Variants in IER5 observed in about 807,000 individuals in gnomAD.
IER5 encodes immediate early response gene 5 protein.
Under a neutral mutation model 8.2 loss-of-function variants are expected in IER5, and 3 were observed. The observed-to-expected ratio is 0.36, with a 90% confidence interval of 0.17 to 0.94. IER5 has a LOEUF of 0.94. Ranked by LOEUF, IER5 falls within the 40% of genes least tolerant of loss-of-function variation. IER5 has a pLI of 0.43. For missense variants in IER5, 531 were observed against 494.3 expected (o/e 1.07, Z -0.70); for synonymous variants, 286 against 230.1 (o/e 1.24, Z -2.20).
At position 181,088,812 on chromosome 1, in the gene IER5, G is replaced by A. The variant is rs1478013070; in HGVS notation, c.-91G>A. The A allele has an allele frequency of 2.0e-6, 2 of 995,360 alleles. No individual in the cohort carries two copies. Among genetic ancestry groups the A allele is most frequent in the Non-Finnish European group, 3.0e-6 (2 of 677,218 alleles). 61.7% of individuals were successfully genotyped at this position (995,360 alleles called of 1,614,324 possible). A position where few individuals can be genotyped will look rare whatever the true frequency, so the allele number is the denominator to read the frequency against. On this transcript the variant is annotated 5_prime_UTR_variant, in exon 1 of 1. Coordinates refer to ENST00000367577, the MANE Select transcript of IER5 (RefSeq NM_016545.5). The stretch of plus-strand genomic sequence containing the variant: ...CGGAGTCTTAGGTGATCGAGGGTGT[G>A]CCCAGGGGGCGGACTTGTTTGCGCC...
chr1:181,088,961 A>G lies in IER5; in HGVS notation c.59A>G (p.Asn20Ser). ...IVSISLGKIY[N>S]SRVQRGGIKL... is the part of the protein sequence containing the mutation. ...AGCATCTCTCTGGGCAAGATCTACA[A>G]CTCGCGGGTCCAGCGCGGCGGCATC... Residue 20 changes from asparagine to serine, a missense_variant, in exon 1 of 1, where the codon AAC (asparagine) becomes AGC (serine). Asn to Ser is a conservative substitution (Grantham distance 46, BLOSUM62 1). Transcript: ENST00000367577. 6.2e-7 allele frequency: 1 copy of G among 1,612,386 alleles called. No individual in the cohort carries two copies. The highest frequency in any genetic ancestry group is 8.5e-7 in the Non-Finnish European group (1 of 1,179,512).
rs1293104158 is a variant in IER5 at position 181,089,474 on chromosome 1, C to T, written c.572C>T (p.Ala191Val). Residue 191 changes from alanine (A) to valine (V), a missense_variant, in exon 1 of 1, where the codon GCG becomes GTG. Ala to Val is a moderately conservative substitution (Grantham distance 64). Transcript: ENST00000367577. The part of the protein sequence containing the change: ...GGEDPPGTPA[A>V]TPRAACCCAP... ...GAGGACCCGCCGGGTACACCGGCCG[C>T]GACCCCCCGCGCTGCCTGCTGCTGC... 1 of 1,345,532 alleles carries T rather than the reference C, an allele frequency of 7.4e-7. No individual in the cohort carries two copies. The highest frequency in any genetic ancestry group is 3.4e-5 in the Admixed American group (1 of 29,448). 83.3% of individuals were successfully genotyped at this position (1,345,532 alleles called of 1,614,324 possible). A position where few individuals can be genotyped will look rare whatever the true frequency, so the allele number is the denominator to read the frequency against.
chr1:181,092,796 G>A lies in IER5; in HGVS notation c.*2910G>A, dbSNP rs1048684307. The A allele has an allele frequency of 5.9e-5, 9 of 152,200 alleles. No individual in the cohort carries two copies. The highest frequency in any genetic ancestry group is 8.8e-5 in the Non-Finnish European group (6 of 68,038). The allele number at this position is 152,200 out of a possible 1,614,324, so 9.4% of individuals were successfully genotyped here. On this transcript the variant is annotated 3_prime_UTR_variant, in exon 1 of 1. Coordinates refer to ENST00000367577, the MANE Select transcript of IER5 (RefSeq NM_016545.5). ...AATAAGCACGCAACTGTTAATTATT[G>A]TTAATGTAGAAGTTAATTCTGTGTA...
chr1:181,092,128 G>A lies in IER5; in HGVS notation c.*2242G>A, dbSNP rs555639546. On this transcript the variant is annotated 3_prime_UTR_variant, in exon 1 of 1. Transcript: ENST00000367577. ...TGCTTAAACTGAAGAAGGTGTCCAG[G>A]GCCTTAATTCTGCAAACATTTCCTG... The A allele has an allele frequency of 1.3e-4, 20 of 151,990 alleles. No homozygotes were observed. The highest frequency in any genetic ancestry group is 2.9e-5 in the Non-Finnish European group (2 of 68,000). The allele number at this position is 151,990 out of a possible 1,614,324, so 9.4% of individuals were successfully genotyped here.
rs1659436625 is a variant in IER5 at position 181,090,180 on chromosome 1, C to T, written c.*294C>T. On this transcript the variant is annotated 3_prime_UTR_variant, in exon 1 of 1. Transcript: ENST00000367577. ...TTTTGCTCTTCTGGAATGCACCACT[C>T]CTTCCCCAGGGTTTAAGAGATTGGG... 5 of 447,344 alleles carry T rather than the reference C, an allele frequency of 1.1e-5. No individual in the cohort carries two copies. In the East Asian group the frequency reaches 2.4e-4, roughly 21 times the overall value. 27.7% of individuals were successfully genotyped at this position (447,344 alleles called of 1,614,324 possible).
At position 181,089,912 on chromosome 1, in the gene IER5, G is replaced by T; in HGVS notation, c.*26G>T. On this transcript the variant is annotated 3_prime_UTR_variant, in exon 1 of 1. Transcript: ENST00000367577. ...GCCCTTGGCCCCCCTGCGGGGAGGA[G>T]GTGGAGCAGCGGGCGTCCCCGAAGT... is the stretch of plus-strand genomic sequence containing the variant. 1.2e-6 allele frequency: 2 copies of T among 1,605,948 alleles called. No homozygotes were observed. Among genetic ancestry groups the T allele is most frequent in the South Asian group, 2.2e-5 (2 of 90,198 alleles).
rs1659442160 is a variant in IER5 at position 181,090,250 on chromosome 1, G to A, written c.*364G>A. 1 of 280,970 alleles carries A rather than the reference G, an allele frequency of 3.6e-6. No individual in the cohort carries two copies. The highest frequency in any genetic ancestry group is 5.8e-5 in the Admixed American group (1 of 17,146). 17.4% of individuals were successfully genotyped at this position (280,970 alleles called of 1,614,324 possible). On this transcript the variant is annotated 3_prime_UTR_variant, in exon 1 of 1. Coordinates refer to ENST00000367577, the MANE Select transcript of IER5 (RefSeq NM_016545.5). Reference sequence around the variant, plus strand: ...CTGCCGGCTGCGTGGAGAAGGAAGCGGCTAAAAGGTTTGGGCCGGGGAGTT... The same window carrying A: ...CTGCCGGCTGCGTGGAGAAGGAAGCAGCTAAAAGGTTTGGGCCGGGGAGTT...
At position 181,089,139 on chromosome 1, in the gene IER5, A is replaced by G; in HGVS notation, c.237A>G (p.Pro79=). Residue 79 remains proline, a synonymous_variant, in exon 1 of 1, where the codon CCA becomes CCG. Coordinates refer to ENST00000367577, the MANE Select transcript of IER5 (RefSeq NM_016545.5). ...QQQPGEPAAG[P]PAGWGEPPPP... ...AGCCCGGGGAGCCGGCGGCCGGGCC[A>G]CCCGCCGGCTGGGGAGAGCCGCCCC... 7.2e-7 allele frequency: 1 copy of G among 1,395,294 alleles called. No individual in the cohort carries two copies. The highest frequency in any genetic ancestry group is 3.7e-5 in the Admixed American group (1 of 26,928). 86.4% of individuals were successfully genotyped at this position (1,395,294 alleles called of 1,614,324 possible).
chr1:181,088,876 G>A lies in IER5; in HGVS notation c.-27G>A. 2 of 1,584,062 alleles carry A rather than the reference G, an allele frequency of 1.3e-6. No individual in the cohort carries two copies. The highest frequency in any genetic ancestry group is 1.7e-6 in the Non-Finnish European group (2 of 1,161,662). ...CAATTTCCAAACGTGTCACCCCGGCGCCGACGGCCCTGTGCAGGGGAAGCA... is the reference window on the plus strand; with the variant it reads ...CAATTTCCAAACGTGTCACCCCGGCACCGACGGCCCTGTGCAGGGGAAGCA... On this transcript the variant is annotated 5_prime_UTR_variant, in exon 1 of 1. Coordinates refer to ENST00000367577, the MANE Select transcript of IER5 (RefSeq NM_016545.5).
rs1448688735 is a variant in IER5, at chr1:181,092,822, T to A, written c.*2936T>A. ...TTAATGTAGAAGTTAATTCTGTGTA[T>A]AAATCAGATACACTGTGGTCAAAGA... On this transcript the variant is annotated 3_prime_UTR_variant, in exon 1 of 1. Transcript: ENST00000367577. 5 of 152,252 alleles carry A rather than the reference T, an allele frequency of 3.3e-5. No individual in the cohort carries two copies. The highest frequency in any genetic ancestry group is 1.2e-4 in the African/African-American group (5 of 41,462). The allele number at this position is 152,252 out of a possible 1,614,324, so 9.4% of individuals were successfully genotyped here. A position where few individuals can be genotyped will look rare whatever the true frequency, so the allele number is the denominator to read the frequency against.
chr1:181,091,179 A>T lies in IER5; in HGVS notation c.*1293A>T, dbSNP rs1659467866. 1 of 152,220 alleles carries T rather than the reference A, an allele frequency of 6.6e-6. No homozygotes were observed. Among genetic ancestry groups the T allele is most frequent in the South Asian group, 2.1e-4 (1 of 4,834 alleles). 9.4% of individuals were successfully genotyped at this position (152,220 alleles called of 1,614,324 possible). On this transcript the variant is annotated 3_prime_UTR_variant, in exon 1 of 1. Transcript: ENST00000367577. ...TTAACCAACTTTTGAAGCCCCGCTT[A>T]TCCACAAAAATGTTTTTCAGCAAAA...
In IER5 at chr1:181,088,887, T is replaced by C. The variant is rs1391370532; in HGVS notation, c.-16T>C. The C allele has an allele frequency of 6.3e-7, 1 of 1,583,610 alleles. No individual in the cohort carries two copies. Among genetic ancestry groups the C allele is most frequent in the Non-Finnish European group, 8.6e-7 (1 of 1,160,792 alleles). ...CGTGTCACCCCGGCGCCGACGGCCC[T>C]GTGCAGGGGAAGCAGATGGAGTTCA... On this transcript the variant is annotated 5_prime_UTR_variant, in exon 1 of 1. Transcript: ENST00000367577.
chr1:181,088,781 T>A lies in IER5; in HGVS notation c.-122T>A. ...CAGCGCGCGCGTCACCAGAGTCGTTTCTCTTCGGAGTCTTAGGTGATCGAG... is the reference window on the plus strand; with the variant it reads ...CAGCGCGCGCGTCACCAGAGTCGTTACTCTTCGGAGTCTTAGGTGATCGAG... On this transcript the variant is annotated 5_prime_UTR_variant, in exon 1 of 1. Transcript: ENST00000367577. 1 of 696,560 alleles carries A rather than the reference T, an allele frequency of 1.4e-6. No individual in the cohort carries two copies. The highest frequency in any genetic ancestry group is 2.3e-6 in the Non-Finnish European group (1 of 438,578). The allele number at this position is 696,560 out of a possible 1,614,324, so 43.1% of individuals were successfully genotyped here.
rs966489884 is a variant in IER5 at position 181,089,820 on chromosome 1, G to C, written c.918G>C (p.Gln306His). The C allele has an allele frequency of 6.2e-7, 1 of 1,613,802 alleles. No homozygotes were observed. The highest frequency in any genetic ancestry group is 8.5e-7 in the Non-Finnish European group (1 of 1,179,934). The change falls in exon 1 of 1, where the codon CAG becomes CAC. Residue 306 changes from glutamine to histidine, a missense_variant. By Grantham distance (24) the Gln-to-His change is conservative. Transcript: ENST00000367577. ...ESGPEAAEPG[Q>H]ICCDKPVLRD... Reference sequence around the variant, plus strand: ...GTCCGGAAGCCGCCGAGCCCGGGCAGATCTGCTGCGATAAGCCGGTGCTGA... The same window carrying C: ...GTCCGGAAGCCGCCGAGCCCGGGCACATCTGCTGCGATAAGCCGGTGCTGA...
Position 181,090,145 on chromosome 1 carries a change from A to G in IER5, c.*259A>G, listed in dbSNP as rs1163311371. 1.8e-6 allele frequency: 1 copy of G among 550,052 alleles called. No homozygotes were observed. The highest frequency in any genetic ancestry group is 1.9e-5 in the African/African-American group (1 of 51,850). 34.1% of individuals were successfully genotyped at this position (550,052 alleles called of 1,614,324 possible). On this transcript the variant is annotated 3_prime_UTR_variant, in exon 1 of 1. Coordinates refer to ENST00000367577, the MANE Select transcript of IER5 (RefSeq NM_016545.5). ...TGTGTATGTAAGTTTGTCTTGTGGCATTAAGACTATTTTGCTCTTCTGGAA... is the reference window on the plus strand; with the variant it reads ...TGTGTATGTAAGTTTGTCTTGTGGCGTTAAGACTATTTTGCTCTTCTGGAA...
chr1:181,089,309 C>A lies in IER5; in HGVS notation c.407C>A (p.Ala136Glu). The A allele has an allele frequency of 6.4e-7, 1 of 1,551,408 alleles. No individual in the cohort carries two copies. The highest frequency in any genetic ancestry group is 8.7e-7 in the Non-Finnish European group (1 of 1,151,728). Residue 136 changes from alanine (A) to glutamate (E), a missense_variant, in exon 1 of 1, where the codon GCG (alanine) becomes GAG (glutamate). By Grantham distance (107) the Ala-to-Glu change is moderately radical (BLOSUM62 -1). Transcript: ENST00000367577. ...GDVFQGGEAD[A>E]TEAAWSRVEG... is the part of the protein sequence containing the mutation. Reference sequence around the variant, plus strand: ...GTTTTTCAGGGCGGAGAGGCGGACGCGACGGAAGCTGCCTGGAGCCGCGTG... The same window carrying A: ...GTTTTTCAGGGCGGAGAGGCGGACGAGACGGAAGCTGCCTGGAGCCGCGTG...
rs1036568736 is a variant in IER5, at chr1:181,092,736, A to G, written c.*2850A>G. On this transcript the variant is annotated 3_prime_UTR_variant, in exon 1 of 1. Coordinates refer to ENST00000367577, the MANE Select transcript of IER5 (RefSeq NM_016545.5). Reference sequence around the variant, plus strand: ...CTGTCTCATAGGGTTGTGAAAATTAATGAGTTAATGCTCTTAGAAGAGTAC... The same window carrying G: ...CTGTCTCATAGGGTTGTGAAAATTAGTGAGTTAATGCTCTTAGAAGAGTAC... 6.6e-6 allele frequency: 1 copy of G among 152,232 alleles called. No homozygotes were observed. Among genetic ancestry groups the G allele is most frequent in the Non-Finnish European group, 1.5e-5 (1 of 68,034 alleles). The allele number at this position is 152,232 out of a possible 1,614,324, so 9.4% of individuals were successfully genotyped here.
rs202224657 is a variant in IER5 at position 181,088,900 on chromosome 1, C to T, written c.-3C>T. The T allele has an allele frequency of 3.4e-5, 55 of 1,611,378 alleles. No individual in the cohort carries two copies. Among genetic ancestry groups the T allele is most frequent in the Non-Finnish European group, 6.8e-6 (8 of 1,178,882 alleles). ...CGCCGACGGCCCTGTGCAGGGGAAG[C>T]AGATGGAGTTCAAGCTGGAGGCTCA... On this transcript the variant is annotated 5_prime_UTR_variant, in exon 1 of 1. Coordinates refer to ENST00000367577, the MANE Select transcript of IER5 (RefSeq NM_016545.5).
rs758589158 is a variant in IER5, at chr1:181,088,992, G to C, written c.90G>C (p.Leu30=). 1.9e-6 allele frequency: 3 copies of C among 1,613,496 alleles called. No homozygotes were observed. The highest frequency in any genetic ancestry group is 1.7e-5 in the Admixed American group (1 of 60,004). The change falls in exon 1 of 1, where the codon CTG becomes CTC. Residue 30 remains leucine (L), a synonymous_variant. Coordinates refer to ENST00000367577, the MANE Select transcript of IER5 (RefSeq NM_016545.5). ...NSRVQRGGIK[L]HKNLLVSLVL... ...GGGTCCAGCGCGGCGGCATCAAGCT[G>C]CATAAGAACCTCCTGGTCTCGCTGG...
Sources: gnomAD v4.1 joint callset for allele counts on GRCh38, gnomAD v4.1.1 for gene constraint, MANE v1.5 for transcripts, NCBI Gene and HGNC (gene_info 2026-07-23, HGNC 2026-07-21) for gene names.